The following STUM variants were observed in gnomAD, a reference collection of about 807,000 sequenced individuals.
STUM encodes stum, mechanosensory transduction mediator homolog, also known as protein stum homolog.
In STUM, 8 loss-of-function variants were observed where a neutral mutation model predicts 15.3. The observed-to-expected ratio is 0.52, with a 90% CI of 0.31 to 0.94. STUM has a LOEUF of 0.94. STUM is among the 40% of genes least tolerant of loss of function. STUM has a pLI of 0.05. For synonymous variants in STUM, 78 were observed against 88.7 expected (o/e 0.88, Z 0.68); for missense variants, 142 against 204.9 (o/e 0.69, Z 1.87).
intron 1 of STUM, among the ~76,000 whole-genome samples, chr1:226,550,574 C>A (rs1159313289): frequency 6.6e-6 from 1 of 151,924 alleles, no homozygotes; most frequent in African/African-American, 2.4e-5. Flanking sequence ...TCCTCCTGAG[C>A]CAGCATGCAT....
chr1:226,569,597 C>T (rs2102693978), intron 1 of STUM, among the ~76,000 whole-genome samples: 1 of 152,336 alleles, frequency 6.6e-6, no homozygotes, highest in East Asian at 1.9e-4. Context: ...AGCTTCTACC[C>T]TCAGAGATTC....
At chr1:226,593,779 A>G (rs1289329533) in intron 1 of STUM, among the ~76,000 whole-genome samples, 2 of 152,166 alleles carry the variant, frequency 1.3e-5, no homozygotes, top group Admixed American at 1.3e-4. Flanking sequence ...TCTGATCTTG[A>G]ATCCGTGGTT....
rs1040453179 is a variant in STUM at position 226,600,893 on chromosome 1, G to T, written c.391+219G>T. Among the ~76,000 whole-genome samples the T allele has an allele frequency of 6.6e-6, 1 of 152,158 alleles. No individual in the cohort carries two copies. The highest frequency in any genetic ancestry group is 1.5e-5 in the Non-Finnish European group (1 of 68,028). The stretch of plus-strand genomic sequence containing the variant: ...CCTAATGCCCACACCAGCCTCAACT[G>T]CTATCAATTCATGGCCAGCCTCCTT... On this transcript the variant is annotated intron_variant, in intron 3 of 3. Transcript: ENST00000366788. This position sits in a 1 kb window ranked among gnomAD's most constrained non-coding sequence, Gnocchi z 5.2.
chr1:226,586,274 G>A (rs867560766), intron 1 of STUM, among the ~76,000 whole-genome samples: 85 of 152,252 alleles, frequency 5.6e-4, no homozygotes, highest in South Asian at 1.0e-3. Context: ...GGTCACCCAC[G>A]CCTGGCTATG....
intron 1 of STUM, among the ~76,000 whole-genome samples, chr1:226,593,185 CAA>C (rs72490675): frequency 4.0e-5 from 5 of 125,314 alleles, no homozygotes; most frequent in Admixed American, 1.6e-4. Flanking sequence ...GACTCCGTCT[CAA>C]AAAAAAAAAA....
chr1:226,596,750 C>G, intron 1 of STUM, 52 bp from the exon 2 acceptor site: 2 of 1,527,792 alleles, frequency 1.3e-6, no homozygotes, highest in Admixed American at 1.7e-5. Flanking sequence ...AGCACACAGA[C>G]CCCTTTGTCT....
rs753100697 is a variant in STUM at position 226,548,936 on chromosome 1, CGGCGGCGGCGGCGGCGGT to C, written c.44_61del (p.Ala15_Ala20del). The C allele has an allele frequency of 1.2e-4, 176 of 1,445,636 alleles. 1 individual carries two copies. The highest frequency in any genetic ancestry group is 6.3e-4 in the South Asian group (44 of 69,914). 89.6% of individuals were successfully genotyped at this position (1,445,636 alleles called of 1,614,324 possible). On this transcript the variant is annotated inframe_deletion, in exon 1 of 4. Coordinates refer to ENST00000366788, the MANE Select transcript of STUM (RefSeq NM_001003665.4). ...CCCTCGCACAAAGACGCCGAGACGG[CGGCGGCGGCGGCGGCGGT>C]GGCGGCGGCGGACCCCCGGGGGGCG... is the stretch of plus-strand genomic sequence containing the variant.
chr1:226,582,759 G>A (rs1667939852), intron 1 of STUM, among the ~76,000 whole-genome samples: 1 of 152,188 alleles, frequency 6.6e-6, no homozygotes, highest in African/African-American at 2.4e-5. Context: ...TGAAGCCCCA[G>A]TACCTGCTTT....
At chr1:226,587,403 T>A (rs962201179) in intron 1 of STUM, among the ~76,000 whole-genome samples, 1 of 151,944 alleles carries the variant, frequency 6.6e-6, no homozygotes, top group Non-Finnish European at 1.5e-5. Context: ...TTTATGCCAG[T>A]TGGAAAATCA....
In STUM at chr1:226,548,886, C is replaced by A; in HGVS notation, c.-19C>A. 7.4e-7 allele frequency: 1 copy of A among 1,355,152 alleles called. No individual in the cohort carries two copies. Among genetic ancestry groups the A allele is most frequent in the East Asian group, 3.1e-5 (1 of 32,122 alleles). The allele number at this position is 1,355,152 out of a possible 1,614,324, so 83.9% of individuals were successfully genotyped here. On this transcript the variant is annotated 5_prime_UTR_variant, in exon 1 of 4. Transcript: ENST00000366788. Reference sequence around the variant, plus strand: ...CAGCTCCGGCCGTGCTGCCCGGCTGCCTGAGAGCGCGCCCGGCCATGGAGC... The same window carrying A: ...CAGCTCCGGCCGTGCTGCCCGGCTGACTGAGAGCGCGCCCGGCCATGGAGC...
In STUM at chr1:226,575,457, G is replaced by A. The variant is rs138174711; in HGVS notation, c.203-21345G>A. ...ATCCCTGCCGGCAGGCACCCAGGGT[G>A]GGTGAGGCAGGAGGCAGGTGATGGT... is the stretch of plus-strand genomic sequence containing the variant. On this transcript the variant is annotated intron_variant, in intron 1 of 3. Transcript: ENST00000366788. 5.7e-3 allele frequency among the ~76,000 whole-genome samples: 864 copies of A among 152,378 alleles called. 8 individuals are homozygous for A. The highest frequency in any genetic ancestry group is 0.019 in the African/African-American group (808 of 41,596).
At chr1:226,561,997 C>T (rs1571795788) in intron 1 of STUM, among the ~76,000 whole-genome samples, 1 of 34,748 alleles carries the variant, frequency 2.9e-5, no homozygotes, top group Non-Finnish European at 5.5e-5. Context: ...GACAGTATGT[C>T]GGGTGGGGGG....
intron 1 of STUM, among the ~76,000 whole-genome samples, chr1:226,574,179 G>C (rs1269551927): frequency 6.6e-6 from 1 of 152,172 alleles, no homozygotes; most frequent in African/African-American, 2.4e-5. Flanking sequence ...CCATATATTA[G>C]ATCTCTAGGC....
chr1:226,573,338 G>A (rs1039055542), intron 1 of STUM, among the ~76,000 whole-genome samples: 3 of 152,178 alleles, frequency 2.0e-5, no homozygotes, highest in Admixed American at 1.3e-4. Context: ...AGATGGTGGC[G>A]GGTTAGTCAC....
At position 226,549,830 on chromosome 1, in the gene STUM, C is replaced by G. The variant is rs558025157; in HGVS notation, c.202+724C>G. On this transcript the variant is annotated intron_variant, in intron 1 of 3. Transcript: ENST00000366788. The surrounding 1 kb of genome is among the most constrained non-coding windows in gnomAD (Gnocchi z 6.8). ...GAGAGTGCGCCGATGTAATTCTGTG[C>G]AGGACTCCGGCAGCCGGCAGGGGTT... 6.6e-6 allele frequency among the ~76,000 whole-genome samples: 1 copy of G among 152,364 alleles called. No homozygotes were observed. The highest frequency in any genetic ancestry group is 6.5e-5 in the Admixed American group (1 of 15,314).
intron 2 of STUM, chr1:226,597,472 C>G: frequency 2.1e-6 from 1 of 472,394 alleles, no homozygotes; most frequent in South Asian, 1.5e-5. Flanking sequence ...GGCACTTTGC[C>G]TTCACTCTGT....
chr1:226,572,927 G>T, intron 1 of STUM, among the ~76,000 whole-genome samples: 1 of 152,228 alleles, frequency 6.6e-6, no homozygotes, highest in East Asian at 1.9e-4. Flanking sequence ...GACTCTCCCA[G>T]GTCCCATGGT....
intron 1 of STUM, among the ~76,000 whole-genome samples, chr1:226,578,202 TG>T (rs1292751013): frequency 6.6e-6 from 1 of 152,106 alleles, no homozygotes; most frequent in Non-Finnish European, 1.5e-5. Context: ...ATCATGGTCA[TG>T]TAGTCTCTTT....
At chr1:226,587,420 C>T (rs952089666) in intron 1 of STUM, among the ~76,000 whole-genome samples, 3 of 152,118 alleles carry the variant, frequency 2.0e-5, no homozygotes, top group African/African-American at 7.2e-5. Flanking sequence ...ATCAAAGGCA[C>T]ACACTAACAG....
Sources: allele counts gnomAD v4.1 joint callset (sites outside exome capture counted in the v4.1 genomes callset), GRCh38; gene constraint gnomAD v4.1.1; non-coding constraint Gnocchi (gnomAD v3.1); transcripts MANE v1.5; gene names NCBI Gene and HGNC (gene_info 2026-07-23, HGNC 2026-07-21).